The following PDE7B variants were observed in gnomAD, a reference collection of about 807,000 sequenced individuals.
PDE7B encodes the protein 3',5'-cyclic-AMP phosphodiesterase 7B.
A neutral mutation model predicts 56.2 loss-of-function variants in PDE7B; 29 were observed. The ratio of observed to expected loss-of-function variants is 0.52; its 90% CI spans 0.38 to 0.70. The LOEUF is 0.70. PDE7B is among the 30% of genes least tolerant of loss of function. PDE7B has a pLI of 0.00. For synonymous variants in PDE7B, 197 were observed against 196.9 expected, an observed-to-expected ratio of 1.00 and a Z score of 0.00; for missense variants, 490 against 565.0, an observed-to-expected ratio of 0.87 and a Z score of 1.35.
At chr6:135,987,587 G>A (rs1308891843) in intron 2 of PDE7B, among the ~76,000 whole-genome samples, 2 of 152,020 alleles carry the variant, frequency 1.3e-5, no homozygotes, top group African/African-American at 4.8e-5. Flanking sequence ...CTTATTCCTG[G>A]AGATGTCTAT....
At chr6:135,977,001 C>G (rs1775197278) in intron 2 of PDE7B, among the ~76,000 whole-genome samples, 2 of 152,148 alleles carry the variant, frequency 1.3e-5, no homozygotes, top group Non-Finnish European at 2.9e-5. Context: ...CCTCTGAATT[C>G]TGTGTATTCT....
chr6:136,129,283 C>T (rs1028292359), intron 3 of PDE7B, among the ~76,000 whole-genome samples: 7 of 152,240 alleles, frequency 4.6e-5, no homozygotes, highest in East Asian at 1.9e-4. Context: ...GCAGAGACTC[C>T]GTGTACAGCA....
At chr6:135,986,427 C>G (rs1197981861) in intron 2 of PDE7B, among the ~76,000 whole-genome samples, 1 of 152,120 alleles carries the variant, frequency 6.6e-6, no homozygotes, top group African/African-American at 2.4e-5. Context: ...TGCAATTAAG[C>G]AAGATTTTAA....
intron 2 of PDE7B, among the ~76,000 whole-genome samples, chr6:136,033,228 ATGT>A (rs1231726522): frequency 6.6e-6 from 1 of 152,262 alleles, no homozygotes; most frequent in Non-Finnish European, 1.5e-5. Context: ...TCTTCCTGCC[ATGT>A]TGTTCTCAAC....
At chr6:135,862,364 A>T (rs956386390) in intron 1 of PDE7B, among the ~76,000 whole-genome samples, 20 of 151,844 alleles carry the variant, frequency 1.3e-4, no homozygotes, top group African/African-American at 4.8e-4. Flanking sequence ...ATCCTAGGAT[A>T]AATGTAACTT....
intron 2 of PDE7B, among the ~76,000 whole-genome samples, chr6:135,952,268 T>TATTACTGATGATACCA (rs1196745826): frequency 6.6e-6 from 1 of 152,164 alleles, no homozygotes; most frequent in Admixed American, 6.6e-5. Context: ...TAATAAAAAT[T>TATTACTGATGATACCA]ATTACTGATG....
At chr6:136,062,793 G>A (rs763972242) in intron 2 of PDE7B, among the ~76,000 whole-genome samples, 10 of 152,146 alleles carry the variant, frequency 6.6e-5, no homozygotes, top group Non-Finnish European at 1.2e-4. Context: ...GAGTGAATCT[G>A]GAGTAGTTTC....
chr6:135,939,312 T>C (rs1418341), intron 1 of PDE7B, among the ~76,000 whole-genome samples: 44,760 of 151,982 alleles, frequency 0.29, 8,150 homozygotes, highest in Admixed American at 0.47. Flanking sequence ...CTTTTGCTGG[T>C]GTGTCTCTTA....
At chr6:136,120,698 A>T (rs747554216) in intron 3 of PDE7B, among the ~76,000 whole-genome samples, 23 of 152,306 alleles carry the variant, frequency 1.5e-4, no homozygotes, top group Non-Finnish European at 2.6e-4. Flanking sequence ...AGGGGCCACC[A>T]GAGCTTGGTG....
chr6:135,952,024 C>T (rs912851883), intron 2 of PDE7B, among the ~76,000 whole-genome samples: 1 of 152,144 alleles, frequency 6.6e-6, no homozygotes, highest in African/African-American at 2.4e-5. Context: ...ACTGTGTACT[C>T]ACAGAAGTTG....
intron 2 of PDE7B, among the ~76,000 whole-genome samples, chr6:136,007,597 A>ATCAGACTT (rs1442715806): frequency 6.6e-6 from 1 of 151,864 alleles, no homozygotes; most frequent in Non-Finnish European, 1.5e-5. Flanking sequence ...TGTGTGGAAG[A>ATCAGACTT]TCAGACTTTT....
intron 2 of PDE7B, among the ~76,000 whole-genome samples, chr6:136,013,205 AT>A (rs139323636): frequency 0.031 from 4,729 of 152,254 alleles, 82 homozygotes; most frequent in Non-Finnish European, 0.042. Context: ...AGGCCAAGGT[AT>A]TTTTTTATGA....
intron 1 of PDE7B, among the ~76,000 whole-genome samples, chr6:135,927,199 C>A (rs1774207808): frequency 6.6e-6 from 1 of 152,022 alleles, no homozygotes; most frequent in Admixed American, 6.6e-5. Flanking sequence ...GTTTTAAAAT[C>A]ATTTAACTTT....
chr6:136,080,088 C>T lies in PDE7B; in HGVS notation c.83-28643C>T, dbSNP rs1214885072. Reference sequence around the variant, plus strand: ...GGAAAAAATAAATGAAGAAAAAAACCTCCATGTGTCCAGTGTTAAGCTCTC... The same window carrying T: ...GGAAAAAATAAATGAAGAAAAAAACTTCCATGTGTCCAGTGTTAAGCTCTC... On this transcript the variant is annotated intron_variant, in intron 2 of 12. Transcript: ENST00000308191. 5.3e-5 allele frequency among the ~76,000 whole-genome samples: 8 copies of T among 152,166 alleles called. No individual in the cohort carries two copies. In the East Asian group the frequency reaches 1.5e-3, roughly 29 times the overall value.
intron 9 of PDE7B, among the ~76,000 whole-genome samples, chr6:136,176,545 T>C (rs557440552): frequency 2.0e-5 from 3 of 151,340 alleles, no homozygotes; most frequent in South Asian, 2.1e-4. Flanking sequence ...TTTTTGTGAT[T>C]TTTTTCCCCC....
At chr6:136,119,694 G>C (rs1332183919) in intron 3 of PDE7B, among the ~76,000 whole-genome samples, 5 of 152,054 alleles carry the variant, frequency 3.3e-5, no homozygotes, top group African/African-American at 9.7e-5. Context: ...AAATCATTGA[G>C]CCCAGTTTTT....
At chr6:135,920,544 C>T (rs1774055015) in intron 1 of PDE7B, among the ~76,000 whole-genome samples, 1 of 152,154 alleles carries the variant, frequency 6.6e-6, no homozygotes, top group South Asian at 2.1e-4. Flanking sequence ...TTTTGTGTCA[C>T]CCATATGATA....
At chr6:136,170,088 TG>T (rs1365832432) in intron 8 of PDE7B, among the ~76,000 whole-genome samples, 1 of 152,150 alleles carries the variant, frequency 6.6e-6, no homozygotes, top group Non-Finnish European at 1.5e-5. Context: ...TTTCCTGACT[TG>T]TGTTTTCCTA....
At chr6:136,136,801 C>A (rs1041007233) in intron 3 of PDE7B, among the ~76,000 whole-genome samples, 8 of 150,914 alleles carry the variant, frequency 5.3e-5, no homozygotes, top group African/African-American at 1.9e-4. Flanking sequence ...GCAAGAGGGC[C>A]TGGACCCTGG....
Sources: gnomAD v4.1 joint callset for allele counts (sites outside exome capture counted in the v4.1 genomes callset) on GRCh38, gnomAD v4.1.1 for gene constraint, MANE v1.5 for transcripts, NCBI Gene and HGNC (gene_info 2026-07-23, HGNC 2026-07-21) for gene names.